C1QL3: variants seen among roughly 807,000 people sequenced by gnomAD.
The protein encoded by C1QL3 is complement C1q-like protein 3.
In C1QL3, 4 loss-of-function variants were observed where a neutral mutation model predicts 16.6. The ratio of observed to expected loss-of-function variants is 0.24; its 90% CI spans 0.12 to 0.55. The LOEUF is 0.55. Among genes scored for constraint, C1QL3 ranks in the 20% least tolerant of loss-of-function variants. The probability of loss-of-function intolerance (pLI) is 0.94; values close to 1 mark genes in which losing one functional copy is unlikely to be tolerated. For synonymous variants in C1QL3, 189 were observed against 160.2 expected, an observed-to-expected ratio of 1.18 and a Z score of -1.36; for missense variants, 269 against 365.6, an observed-to-expected ratio of 0.74 and a Z score of 2.16.
Position 16,521,209 on chromosome 10 carries a change from C to A in C1QL3, c.-144G>T, listed in dbSNP as rs1167445837. 1 of 689,516 alleles carries A rather than the reference C, an allele frequency of 1.5e-6. No individual in the cohort carries two copies. The highest frequency in any genetic ancestry group is 1.9e-5 in the South Asian group (1 of 53,936). 42.7% of individuals were successfully genotyped at this position (689,516 alleles called of 1,614,324 possible). On this transcript the variant is annotated 5_prime_UTR_variant, in exon 1 of 2. Coordinates refer to ENST00000298943, the MANE Select transcript of C1QL3 (RefSeq NM_001010908.2). The stretch of plus-strand genomic sequence containing the variant: ...CTTCAGAGCCGAAAACAACCCCCTG[C>A]GAACCCCAACTCCCCTGGGCGTGCG...
In C1QL3 at chr10:16,520,776, C is replaced by T; in HGVS notation, c.290G>A (p.Gly97Asp). The T allele has an allele frequency of 7.7e-7, 1 of 1,293,156 alleles. No individual in the cohort carries two copies. The highest frequency in any genetic ancestry group is 9.8e-7 in the Non-Finnish European group (1 of 1,019,312). 80.1% of individuals were successfully genotyped at this position (1,293,156 alleles called of 1,614,324 possible). ...MGPPGEKGEP[G>D]RQGLPGPPGA... Reference sequence around the variant, plus strand: ...GGGCGGGCCCGGCAGGCCTTGGCGGCCCGGCTCGCCCTTCTCGCCCGGGGG... The same window carrying T: ...GGGCGGGCCCGGCAGGCCTTGGCGGTCCGGCTCGCCCTTCTCGCCCGGGGG... Residue 97 changes from glycine (G) to aspartate (D), a missense_variant, in exon 1 of 2, where the codon GGC (glycine) becomes GAC (aspartate). By Grantham distance (94) the Gly-to-Asp change is moderately conservative. This residue lies in a region of C1QL3 where 246 missense variants were observed against 297.2 expected (regional missense o/e 0.83). Transcript: ENST00000298943. The surrounding 1 kb of genome is among the most constrained non-coding windows in gnomAD (Gnocchi z 8.3).
At position 16,521,561 on chromosome 10, in the gene C1QL3, T is replaced by G. The variant is rs1837044592; in HGVS notation, c.-496A>C. 2 of 152,886 alleles carry G rather than the reference T, an allele frequency of 1.3e-5. No individual in the cohort carries two copies. The highest frequency in any genetic ancestry group is 6.6e-5 in the Admixed American group (1 of 15,230). 9.5% of individuals were successfully genotyped at this position (152,886 alleles called of 1,614,324 possible). A position where few individuals can be genotyped will look rare whatever the true frequency, so the allele number is the denominator to read the frequency against. On this transcript the variant is annotated 5_prime_UTR_variant, in exon 1 of 2. Coordinates refer to ENST00000298943, the MANE Select transcript of C1QL3 (RefSeq NM_001010908.2). ...ACCAACTTTCCGTCTGAAGTTGCCT[T>G]TTTCTGCCTCCTCCTCCTCTTCTTT...
At chr10:16,517,006 G>A (rs1836962394) in intron 1 of C1QL3, among the ~76,000 whole-genome samples, 1 of 152,150 alleles carries the variant, frequency 6.6e-6, no homozygotes, top group Non-Finnish European at 1.5e-5. Flanking sequence ...GATATAACAG[G>A]ACTTGAAATT....
chr10:16,515,547 G>T (rs1159208759), intron 1 of C1QL3, among the ~76,000 whole-genome samples: 1 of 152,104 alleles, frequency 6.6e-6, no homozygotes. Context: ...CTAAATATGT[G>T]GCTTGATTTG....
intron 1 of C1QL3, among the ~76,000 whole-genome samples, chr10:16,517,264 T>C (rs1455438533): frequency 6.6e-6 from 1 of 152,218 alleles, no homozygotes; most frequent in Non-Finnish European, 1.5e-5. Context: ...TTAGTCCGTA[T>C]TTCTTTAACC....
At chr10:16,516,211 A>T (rs919430513) in intron 1 of C1QL3, among the ~76,000 whole-genome samples, 2 of 152,198 alleles carry the variant, frequency 1.3e-5, no homozygotes, top group African/African-American at 2.4e-5. Flanking sequence ...GCAATATACC[A>T]TGTAATTATG....
At position 16,514,355 on chromosome 10, in the gene C1QL3, T is replaced by C; in HGVS notation, c.*173A>G. 1 of 597,548 alleles carries C rather than the reference T, an allele frequency of 1.7e-6. No homozygotes were observed. Among genetic ancestry groups the C allele is most frequent in the Middle Eastern group, 4.4e-4 (1 of 2,264 alleles). 37.0% of individuals were successfully genotyped at this position (597,548 alleles called of 1,614,324 possible). A position where few individuals can be genotyped will look rare whatever the true frequency, so the allele number is the denominator to read the frequency against. On this transcript the variant is annotated 3_prime_UTR_variant, in exon 2 of 2. Transcript: ENST00000298943. ...ATCTGCTTATCTTGCTTTGATATTT[T>C]TTACATAATGTTTCTGAGTGATACA...
intron 1 of C1QL3, among the ~76,000 whole-genome samples, chr10:16,519,139 A>AATTTTTTTTTTTTTTTTTTTTTTT (rs1385047282): frequency 3.8e-5 from 1 of 26,146 alleles, no homozygotes; most frequent in Non-Finnish European, 7.0e-5. Flanking sequence ...CGCATTTAGG[A>AATTTTTTTTTTTTTTTTTTTTTTT]CTTTTTTTTT....
chr10:16,514,743 G>A, intron 1 of C1QL3, 36 bp from the exon 2 acceptor site: 1 of 1,532,016 alleles, frequency 6.5e-7, no homozygotes, highest in Non-Finnish European at 8.9e-7. Flanking sequence ...ATGCGTAAAT[G>A]AGAATTCTCA....
At position 16,514,396 on chromosome 10, in the gene C1QL3, G is replaced by A. The variant is rs1415585674; in HGVS notation, c.*132C>T. 2 of 680,272 alleles carry A rather than the reference G, an allele frequency of 2.9e-6. No homozygotes were observed. The highest frequency in any genetic ancestry group is 2.6e-5 in the East Asian group (1 of 39,016). The allele number at this position is 680,272 out of a possible 1,614,324, so 42.1% of individuals were successfully genotyped here. A position where few individuals can be genotyped will look rare whatever the true frequency, so the allele number is the denominator to read the frequency against. ...GAGTGATACAGATGTGAGTCAGGTA[G>A]CATTTGATTTCCCCACATATACACA... is the stretch of plus-strand genomic sequence containing the variant. On this transcript the variant is annotated 3_prime_UTR_variant, in exon 2 of 2. Coordinates refer to ENST00000298943, the MANE Select transcript of C1QL3 (RefSeq NM_001010908.2).
intron 1 of C1QL3, among the ~76,000 whole-genome samples, chr10:16,517,487 A>C (rs1442243493): frequency 6.6e-6 from 1 of 152,228 alleles, no homozygotes; most frequent in Non-Finnish European, 1.5e-5. Context: ...TAGTGGCATT[A>C]GAGTGATTGT....
Position 16,514,372 on chromosome 10 carries a change from A to G in C1QL3, c.*156T>C, listed in dbSNP as rs190577120. The stretch of plus-strand genomic sequence containing the variant: ...TGATATTTTTTACATAATGTTTCTG[A>G]GTGATACAGATGTGAGTCAGGTAGC... On this transcript the variant is annotated 3_prime_UTR_variant, in exon 2 of 2. Transcript: ENST00000298943. The G allele has an allele frequency of 3.1e-4, 193 of 621,126 alleles. No individual in the cohort carries two copies. The East Asian group carries it at 5.0e-3, about 16-fold the overall frequency. The allele number at this position is 621,126 out of a possible 1,614,324, so 38.5% of individuals were successfully genotyped here.
Position 16,520,989 on chromosome 10 carries a change from C to A in C1QL3, c.77G>T (p.Gly26Val). The A allele has an allele frequency of 6.3e-7, 1 of 1,594,390 alleles. No homozygotes were observed. Among genetic ancestry groups the A allele is most frequent in the Admixed American group, 1.7e-5 (1 of 59,214 alleles). The change falls in exon 1 of 2, where the codon GGC becomes GTC. Residue 26 changes from glycine (G) to valine (V), a missense_variant. Transcript: ENST00000298943. This position sits in a 1 kb window ranked among gnomAD's most constrained non-coding sequence, Gnocchi z 8.3. ...AGTSAHYEML[G>V]TCRMVCDPYG... ...GGGGTCGCAGACCATGCGGCAGGTG[C>A]CCAGCATCTCGTAGTGCGCCGACGT...
Position 16,521,039 on chromosome 10 carries a change from G to A in C1QL3, c.27C>T (p.Ile9=), listed in dbSNP as rs1225126277. 5.6e-6 allele frequency: 9 copies of A among 1,600,708 alleles called. No homozygotes were observed. Among genetic ancestry groups the A allele is most frequent in the Non-Finnish European group, 6.8e-6 (8 of 1,178,618 alleles). The change falls in exon 1 of 2, where the codon ATC becomes ATT. Residue 9 remains isoleucine, a synonymous_variant. Coordinates refer to ENST00000298943, the MANE Select transcript of C1QL3 (RefSeq NM_001010908.2). MVLLLVIL[I]PVLVSSAGTS... is the part of the protein sequence containing the mutation. ...TGCCGGCCGAGCTCACCAGCACCGG[G>A]ATGAGGATCACCAGCAGCAGCACCA...
intron 1 of C1QL3, among the ~76,000 whole-genome samples, chr10:16,516,321 A>T (rs1219016805): frequency 6.6e-6 from 1 of 152,206 alleles, no homozygotes; most frequent in East Asian, 1.9e-4. Flanking sequence ...TTTTCTAAAG[A>T]TTAATCATGA....
At chr10:16,517,149 G>A (rs1836964301) in intron 1 of C1QL3, among the ~76,000 whole-genome samples, 1 of 152,084 alleles carries the variant, frequency 6.6e-6, no homozygotes, top group Admixed American at 6.5e-5. Context: ...ATTCTGTCTG[G>A]GAATAAGATC....
chr10:16,516,245 A>G (rs1383965636), intron 1 of C1QL3, among the ~76,000 whole-genome samples: 1 of 152,170 alleles, frequency 6.6e-6, no homozygotes, highest in Non-Finnish European at 1.5e-5. Context: ...ACTCCAATAT[A>G]TATGCCAATT....
At position 16,520,936 on chromosome 10, in the gene C1QL3, C is replaced by A; in HGVS notation, c.130G>T (p.Ala44Ser). ...PYGGTKAPST[A>S]ATPDRGLMQS... ...ATGAGGCCGCGGTCGGGCGTGGCAGCGGTGCTGGGCGCCTTGGTGCCCCCG... is the reference window on the plus strand; with the variant it reads ...ATGAGGCCGCGGTCGGGCGTGGCAGAGGTGCTGGGCGCCTTGGTGCCCCCG... The change falls in exon 1 of 2, where the codon GCT becomes TCT. Residue 44 changes from alanine (A) to serine (S), a missense_variant. Around this residue, in one of 2 missense-constraint regions of C1QL3, gnomAD observed 246 missense variants for 297.2 expected, o/e 0.83. Coordinates refer to ENST00000298943, the MANE Select transcript of C1QL3 (RefSeq NM_001010908.2). The surrounding 1 kb of genome is among the most constrained non-coding windows in gnomAD (Gnocchi z 8.3). 1 of 1,568,072 alleles carries A rather than the reference C, an allele frequency of 6.4e-7. No individual in the cohort carries two copies. The highest frequency in any genetic ancestry group is 1.8e-5 in the Admixed American group (1 of 55,412).
At position 16,520,652 on chromosome 10, in the gene C1QL3, T is replaced by C. The variant is rs760556265; in HGVS notation, c.414A>G (p.Glu138=). ...CGTCGAACTTGAGCACCTCGTAGCC[T>C]TCATGCTGCCGCTTGAGGCCGGCGT... ...AFYAGLKRQH[E]GYEVLKFDDV... The change falls in exon 1 of 2, where the codon GAA becomes GAG. Residue 138 remains glutamate (E), a synonymous_variant. Coordinates refer to ENST00000298943, the MANE Select transcript of C1QL3 (RefSeq NM_001010908.2). This position sits in a 1 kb window ranked among gnomAD's most constrained non-coding sequence, Gnocchi z 8.3. 5.6e-6 allele frequency: 9 copies of C among 1,610,538 alleles called. No homozygotes were observed. The highest frequency in any genetic ancestry group is 5.9e-6 in the Non-Finnish European group (7 of 1,178,458).
Sources: gnomAD v4.1 joint callset for allele counts (sites outside exome capture counted in the v4.1 genomes callset) on GRCh38, gnomAD v4.1.1 for gene constraint, gnomAD v4.1.1 regional missense constraint, Gnocchi (gnomAD v3.1) non-coding constraint, MANE v1.5 for transcripts, NCBI Gene and HGNC (gene_info 2026-07-23, HGNC 2026-07-21) for gene names.